The following CEP295 variants were observed in gnomAD, a reference collection of about 807,000 sequenced individuals.
CEP295 encodes the protein centrosomal protein 295.
Under a neutral mutation model 291.6 loss-of-function variants are expected in CEP295, and 190 were observed. The observed-to-expected ratio is 0.65, with a 90% CI of 0.58 to 0.73. CEP295 has a LOEUF of 0.73. CEP295 is among the 30% of genes least tolerant of loss of function. The pLI is 0.00. For missense variants in CEP295, 2,863 were observed against 2,949.4 expected (o/e 0.97, Z 0.68); for synonymous variants, 993 against 1,038.8 (o/e 0.96, Z 0.85).
intron 23 of CEP295, 161 bp from the exon 24 acceptor site, chr11:93,726,814 CT>C: frequency 4.0e-6 from 2 of 502,362 alleles, no homozygotes; most frequent in Middle Eastern, 4.6e-4. Flanking sequence ...TGAGAAATCA[CT>C]GTGACCATCC....
At chr11:93,712,015 G>C (rs1375832511) in intron 18 of CEP295, among the ~76,000 whole-genome samples, 1 of 151,974 alleles carries the variant, frequency 6.6e-6, no homozygotes, top group Non-Finnish European at 1.5e-5. Context: ...TTGATTTTCT[G>C]TCTGGAAGAT....
At chr11:93,711,353 T>G (rs2135229353) in intron 18 of CEP295, among the ~76,000 whole-genome samples, 2 of 152,358 alleles carry the variant, frequency 1.3e-5, no homozygotes, top group South Asian at 4.1e-4. Context: ...GTCTCTTCAT[T>G]GACCCACTGG....
At chr11:93,702,020 A>T (rs1388097568) in intron 15 of CEP295, among the ~76,000 whole-genome samples, 1 of 148,904 alleles carries the variant, frequency 6.7e-6, no homozygotes, top group East Asian at 2.0e-4. Context: ...GTGCAGTGGC[A>T]CGATCTTGGC....
intron 19 of CEP295, chr11:93,721,691 T>TGTGTGTGTAC (rs1418377740): frequency 1.6e-5 from 12 of 739,166 alleles, no homozygotes; most frequent in South Asian, 1.5e-4. Flanking sequence ...TGTGTGTGTG[T>TGTGTGTGTAC]GTGTGTGTGT....
chr11:93,728,787 A>G lies in CEP295; in HGVS notation c.7268A>G (p.Glu2423Gly). Residue 2423 changes from glutamate (E) to glycine (G), a missense_variant, in exon 25 of 30, where the codon GAG becomes GGG. Around this residue, in one of 3 missense-constraint regions of CEP295, gnomAD observed 2,295 missense variants for 2,335.7 expected, o/e 0.98. Transcript: ENST00000325212. ...GATTTTGCAAATTTAACCCTAGAAG[A>G]GAAGAGCGAGAATGAAGCAAAATGC... The part of the protein sequence containing the change: ...EMDFANLTLE[E>G]KSENEAKCFF... 6.5e-7 allele frequency: 1 copy of G among 1,548,730 alleles called. No individual in the cohort carries two copies.
At chr11:93,692,088 T>C in intron 12 of CEP295, 58 bp downstream of exon 12, 1 of 969,394 alleles carries the variant, frequency 1.0e-6, no homozygotes. Context: ...ATTATATAAT[T>C]TTGTTTGGCC....
intron 12 of CEP295, 23 bp downstream of exon 12, chr11:93,692,053 A>G (rs749741482): frequency 5.2e-5 from 69 of 1,321,356 alleles, no homozygotes; most frequent in Non-Finnish European, 7.2e-5. Context: ...TTTATTTTTA[A>G]AGGTTTATTT....
intron 1 of CEP295, among the ~76,000 whole-genome samples, chr11:93,663,835 C>G (rs112855790): frequency 1.3e-5 from 2 of 151,864 alleles, no homozygotes; most frequent in Non-Finnish European, 2.9e-5. Flanking sequence ...GATTTTTTTC[C>G]TCTTAAAGTA....
chr11:93,683,915 T>C (rs1951096544), intron 8 of CEP295, 49 bp from the exon 9 acceptor site: 3 of 1,520,686 alleles, frequency 2.0e-6, no homozygotes, highest in East Asian at 2.5e-5. Flanking sequence ...GATCCAGTTA[T>C]TTTTAATCAT....
Position 93,729,598 on chromosome 11 carries a change from T to C in CEP295, c.7400-16T>C. The stretch of plus-strand genomic sequence containing the variant: ...ACTTTGCCTATTTCTGTCATAAATT[T>C]CTTTTCCCCCAGCAGAAACCCCTCG... On this transcript the variant is annotated splice_polypyrimidine_tract_variant and intron_variant, in intron 26 of 29. Transcript: ENST00000325212. 1 of 1,550,046 alleles carries C rather than the reference T, an allele frequency of 6.5e-7. No homozygotes were observed. Among genetic ancestry groups the C allele is most frequent in the Non-Finnish European group, 8.7e-7 (1 of 1,146,272 alleles).
chr11:93,708,526 G>A (rs190847884), intron 18 of CEP295, among the ~76,000 whole-genome samples: 2 of 152,144 alleles, frequency 1.3e-5, no homozygotes, highest in African/African-American at 4.8e-5. Flanking sequence ...TGTGATACGT[G>A]CCACTTTTTT....
chr11:93,729,396 T>C (rs758290579), intron 25 of CEP295, 38 bp from the exon 26 acceptor site: 51 of 1,410,366 alleles, frequency 3.6e-5, no homozygotes, highest in Middle Eastern at 1.8e-4. Context: ...GCTTAAAGCG[T>C]TTAAAAAGAG....
intron 18 of CEP295, among the ~76,000 whole-genome samples, chr11:93,707,416 T>C (rs1380043626): frequency 6.6e-6 from 1 of 152,196 alleles, no homozygotes; most frequent in African/African-American, 2.4e-5. Flanking sequence ...TGTGTACTGA[T>C]CCTACAAAGT....
In CEP295 at chr11:93,716,569, C is replaced by T. The variant is rs116034665; in HGVS notation, c.5750-4743C>T. On this transcript the variant is annotated intron_variant, in intron 18 of 29. Coordinates refer to ENST00000325212, the MANE Select transcript of CEP295 (RefSeq NM_033395.2). ...AGGAGGGTATCTTTATTATTGAGTG[C>T]ACTCAGACCCAGCAGACTCAACGTC... Among the ~76,000 whole-genome samples, 728 of 152,262 alleles carry T rather than the reference C, an allele frequency of 4.8e-3. 6 individuals are homozygous for T. The highest frequency in any genetic ancestry group is 0.016 in the African/African-American group (650 of 41,546).
At chr11:93,681,924 A>G (rs141102754) in intron 7 of CEP295, among the ~76,000 whole-genome samples, 138 of 151,564 alleles carry the variant, frequency 9.1e-4, no homozygotes, top group African/African-American at 3.1e-3. Context: ...GGATTCAATG[A>G]GTTTTCCAAA....
At chr11:93,670,579 A>G (rs1029635090) in intron 5 of CEP295, among the ~76,000 whole-genome samples, 2 of 152,202 alleles carry the variant, frequency 1.3e-5, no homozygotes, top group East Asian at 1.9e-4. Flanking sequence ...CTGTATAAGC[A>G]TAAGTACCAG....
intron 5 of CEP295, among the ~76,000 whole-genome samples, chr11:93,672,839 A>C (rs1043478892): frequency 2.8e-4 from 1 of 3,630 alleles, no homozygotes; most frequent in African/African-American, 3.0e-4. Context: ...TGTTATAATC[A>C]ATAAGGATTC....
Position 93,697,860 on chromosome 11 carries a change from A to T in CEP295, c.2948A>T (p.Asp983Val). The change falls in exon 15 of 30, where the codon GAT (aspartate) becomes GTT (valine). Residue 983 changes from aspartate (D) to valine (V), a missense_variant. Transcript: ENST00000325212. ...TATGTACATAAACAGAGTGAATTGG[A>T]TAGAAGAGTATGTTCCGAACAGGCT... ...VLYVHKQSEL[D>V]RRVCSEQAEP... 1.9e-6 allele frequency: 3 copies of T among 1,551,744 alleles called. No individual in the cohort carries two copies. The highest frequency in any genetic ancestry group is 2.6e-6 in the Non-Finnish European group (3 of 1,146,994).
At chr11:93,664,717 G>A (rs1258223916) in intron 1 of CEP295, among the ~76,000 whole-genome samples, 1 of 152,162 alleles carries the variant, frequency 6.6e-6, no homozygotes, top group Non-Finnish European at 1.5e-5. Context: ...CTGCCCTGAT[G>A]AGCTTACATT....
Sources: gnomAD v4.1 joint callset for allele counts (sites outside exome capture counted in the v4.1 genomes callset) on GRCh38, gnomAD v4.1.1 for gene constraint, gnomAD v4.1.1 regional missense constraint, MANE v1.5 for transcripts, NCBI Gene and HGNC (gene_info 2026-07-23, HGNC 2026-07-21) for gene names.